Variants in RBFOX1 observed in about 807,000 individuals in gnomAD.
RBFOX1 encodes RNA binding protein fox-1 homolog 1.
RBFOX1 carries 8 observed loss-of-function variants against 57.7 expected under a neutral mutation model. That is an observed-to-expected ratio of 0.14 (90% CI 0.08 to 0.25). The LOEUF (loss-of-function observed/expected upper bound fraction) is 0.25. RBFOX1 is among the 10% of genes least tolerant of loss of function. The pLI is 1.00. For synonymous variants in RBFOX1, 326 were observed against 222.4 expected, an observed-to-expected ratio of 1.47 and a Z score of -4.15; for missense variants, 611 against 548.5, an observed-to-expected ratio of 1.11 and a Z score of -1.14.
chr16:5,426,159 G>A (rs1007513859), intron 1 of RBFOX1, among the ~76,000 whole-genome samples: 1 of 152,126 alleles, frequency 6.6e-6, no homozygotes, highest in African/African-American at 2.4e-5. Flanking sequence ...CATGGAAGAG[G>A]AAATAATGAC....
chr16:6,673,363 G>A (rs1246507302), intron 3 of RBFOX1, among the ~76,000 whole-genome samples: 1 of 152,158 alleles, frequency 6.6e-6, no homozygotes, highest in East Asian at 1.9e-4. Context: ...CTAGGTGGGT[G>A]GATCACCTGA....
At chr16:6,993,390 C>T (rs1234336535) in intron 3 of RBFOX1, among the ~76,000 whole-genome samples, 3 of 152,074 alleles carry the variant, frequency 2.0e-5, no homozygotes, top group African/African-American at 4.8e-5. Context: ...GTAATAAATT[C>T]ATTTGCTTGG....
At chr16:7,167,066 A>G in intron 4 of RBFOX1, among the ~76,000 whole-genome samples, 1 of 128,792 alleles carries the variant, frequency 7.8e-6, no homozygotes, top group Non-Finnish European at 1.6e-5. Context: ...GCTCGCTGCA[A>G]CCTCCGTCCC....
At chr16:6,659,297 A>G (rs1479213974) in intron 3 of RBFOX1, among the ~76,000 whole-genome samples, 1 of 152,062 alleles carries the variant, frequency 6.6e-6, no homozygotes, top group Non-Finnish European at 1.5e-5. Context: ...TGGTGCAGCT[A>G]AACAGTTTCA....
intron 1 of RBFOX1, among the ~76,000 whole-genome samples, chr16:6,080,044 A>G (rs2095976465): frequency 1.3e-5 from 2 of 152,188 alleles, no homozygotes; most frequent in African/African-American, 2.4e-5. Context: ...TAAGTCTGGT[A>G]ATGCTATTAA....
At chr16:6,744,808 A>G (rs993918279) in intron 3 of RBFOX1, among the ~76,000 whole-genome samples, 2 of 152,130 alleles carry the variant, frequency 1.3e-5, no homozygotes, top group Admixed American at 6.5e-5. Context: ...GGTGAACTAA[A>G]TTAAGTAGAA....
rs1424700780 is a variant in RBFOX1 at position 7,052,582 on chromosome 16, T to G, written c.27+484T>G. Among the ~76,000 whole-genome samples the G allele has an allele frequency of 2.0e-5, 3 of 152,140 alleles. 1 individual carries two copies. Among genetic ancestry groups the G allele is most frequent in the Non-Finnish European group, 4.4e-5 (3 of 68,022 alleles). On this transcript the variant is annotated intron_variant, in intron 4 of 15. Coordinates refer to ENST00000550418, the MANE Select transcript of RBFOX1 (RefSeq NM_018723.4). ...TCTTGGTTTTAGTGACATTTGTGTA[T>G]ATGGGAGAGGGAGACAAAATTTTAA...
chr16:6,091,838 C>G (rs746555359), intron 1 of RBFOX1, among the ~76,000 whole-genome samples: 3 of 152,084 alleles, frequency 2.0e-5, no homozygotes, highest in Admixed American at 6.6e-5. Context: ...CTCAAAAAAA[C>G]AAAACAAAAC....
chr16:7,502,913 C>T (rs1283495534), intron 4 of RBFOX1, among the ~76,000 whole-genome samples: 5 of 152,084 alleles, frequency 3.3e-5, no homozygotes, highest in Non-Finnish European at 7.4e-5. Context: ...ATCCTAGCTA[C>T]TCGGGAGCCT....
chr16:6,284,866 A>G (rs2076741068), intron 1 of RBFOX1, among the ~76,000 whole-genome samples: 1 of 152,170 alleles, frequency 6.6e-6, no homozygotes, highest in South Asian at 2.1e-4. Flanking sequence ...TGTTCTTCTC[A>G]TTAAAGGCTT....
At chr16:7,199,460 A>G (rs1366962836) in intron 4 of RBFOX1, among the ~76,000 whole-genome samples, 2 of 152,332 alleles carry the variant, frequency 1.3e-5, no homozygotes, top group East Asian at 3.9e-4. Context: ...TGAGTGTTTC[A>G]GGCAGCGTAC....
intron 2 of RBFOX1, among the ~76,000 whole-genome samples, chr16:6,469,411 TTTC>T (rs1196140688): frequency 1.3e-5 from 2 of 152,308 alleles, no homozygotes; most frequent in Non-Finnish European, 2.9e-5. Context: ...ATAGACAAGT[TTTC>T]TCCAGGTCTG....
Position 6,887,691 on chromosome 16 carries a change from C to G in RBFOX1, c.-15-164366C>G, listed in dbSNP as rs372075721. 1.5e-4 allele frequency among the ~76,000 whole-genome samples: 22 copies of G among 149,062 alleles called. 1 individual carries two copies. The highest frequency in any genetic ancestry group is 5.2e-4 in the African/African-American group (21 of 40,012). ...CATTTTTTTTTTTTTGAGGCAGAGTCTCACTCTGTCACCCAGGTTGGAGTG... is the reference window on the plus strand; with the variant it reads ...CATTTTTTTTTTTTTGAGGCAGAGTGTCACTCTGTCACCCAGGTTGGAGTG... On this transcript the variant is annotated intron_variant, in intron 3 of 15. Transcript: ENST00000550418.
intron 2 of RBFOX1, among the ~76,000 whole-genome samples, chr16:6,538,052 A>G (rs1444685513): frequency 6.6e-6 from 1 of 151,798 alleles, no homozygotes; most frequent in East Asian, 1.9e-4. Context: ...AATATAAAAT[A>G]CAGATACATA....
In RBFOX1 at chr16:7,027,775, T is replaced by G. The variant is rs2041420033; in HGVS notation, c.-15-24282T>G. ...ATATTTGTAACATACAGCTTGCATT[T>G]TTTTTTATTTTAAACAAGAAAAGGA... On this transcript the variant is annotated intron_variant, in intron 3 of 15. Transcript: ENST00000550418. 6.6e-5 allele frequency among the ~76,000 whole-genome samples: 10 copies of G among 152,154 alleles called. No homozygotes were observed. In the South Asian group the frequency reaches 2.1e-3, roughly 32 times the overall value.
chr16:6,618,450 C>G (rs1443168992), intron 2 of RBFOX1, among the ~76,000 whole-genome samples: 1 of 152,106 alleles, frequency 6.6e-6, no homozygotes, highest in African/African-American at 2.4e-5. Flanking sequence ...TGTCAGAAGT[C>G]CTACATTCTG....
At chr16:7,570,376 T>A (rs1433441540) in intron 5 of RBFOX1, among the ~76,000 whole-genome samples, 1 of 152,208 alleles carries the variant, frequency 6.6e-6, no homozygotes, top group Non-Finnish European at 1.5e-5. Flanking sequence ...TCTCCCCTAC[T>A]GAGCACAGAA....
At chr16:5,814,666 C>T (rs932478938) in intron 3 of RBFOX1, among the ~76,000 whole-genome samples, 6 of 152,200 alleles carry the variant, frequency 3.9e-5, no homozygotes, top group East Asian at 1.9e-4. Context: ...CGGTGGCTCA[C>T]GCCTGTAATC....
At chr16:7,388,134 A>G (rs2097915825) in intron 4 of RBFOX1, among the ~76,000 whole-genome samples, 1 of 152,038 alleles carries the variant, frequency 6.6e-6, no homozygotes, top group Non-Finnish European at 1.5e-5. Flanking sequence ...TTGTGTTTGC[A>G]TAATCGAAAA....
Sources: gnomAD v4.1 joint callset for allele counts (sites outside exome capture counted in the v4.1 genomes callset) on GRCh38, gnomAD v4.1.1 for gene constraint, MANE v1.5 for transcripts, NCBI Gene and HGNC (gene_info 2026-07-23, HGNC 2026-07-21) for gene names.